Variants in ELP4 observed in about 807,000 individuals in gnomAD.
The protein encoded by ELP4 is elongator complex protein 4.
A neutral mutation model predicts 48.9 loss-of-function variants in ELP4; 51 were observed. The observed-to-expected ratio is 1.04, with a 90% CI of 0.83 to 1.32. ELP4 has a LOEUF of 1.32. Among genes scored for constraint, ELP4 ranks in the 40% most tolerant of loss-of-function variants. The pLI is 0.00. For missense variants in ELP4, 519 were observed against 514.6 expected (o/e 1.01, Z -0.08); for synonymous variants, 210 against 189.2 (o/e 1.11, Z -0.90).
At chr11:31,586,716 G>T (rs968589725) in intron 3 of ELP4, among the ~76,000 whole-genome samples, 1 of 151,316 alleles carries the variant, frequency 6.6e-6, no homozygotes, top group Non-Finnish European at 1.5e-5. Flanking sequence ...ATCTCGGCTC[G>T]CTGCAAGCTC....
At chr11:31,756,326 C>G (rs1947831113) in intron 9 of ELP4, among the ~76,000 whole-genome samples, 1 of 152,172 alleles carries the variant, frequency 6.6e-6, no homozygotes, top group African/African-American at 2.4e-5. Flanking sequence ...AATGGAAGCC[C>G]TACAGATTCT....
In ELP4 at chr11:31,608,819, T is replaced by C. The variant is rs578165570; in HGVS notation, c.653+4912T>C. ...GATGTGAGACGAGACCTGGGAAGGG[T>C]AAGTGGGTGCTAAAAATTTAGATAA... On this transcript the variant is annotated intron_variant, in intron 5 of 9. Transcript: ENST00000640961. Among the ~76,000 whole-genome samples the C allele has an allele frequency of 2.8e-4, 42 of 151,632 alleles. No individual in the cohort carries two copies. The South Asian group carries it at 8.8e-3, about 32-fold the overall frequency.
chr11:31,739,293 G>A (rs1172347080), intron 9 of ELP4, among the ~76,000 whole-genome samples: 1 of 152,138 alleles, frequency 6.6e-6, no homozygotes, highest in African/African-American at 2.4e-5. Context: ...TACTAAGTCT[G>A]CTTATATGTT....
intron 5 of ELP4, among the ~76,000 whole-genome samples, chr11:31,614,226 A>G (rs1592160079): frequency 6.6e-6 from 1 of 152,194 alleles, no homozygotes; most frequent in Non-Finnish European, 1.5e-5. Context: ...AGCAATGAGT[A>G]TATCTCATGC....
chr11:31,595,469 A>G (rs1301608927), intron 4 of ELP4, among the ~76,000 whole-genome samples: 2 of 152,166 alleles, frequency 1.3e-5, no homozygotes, highest in Non-Finnish European at 2.9e-5. Context: ...TTCAGACTAC[A>G]TTATTTAACA....
Position 31,699,821 on chromosome 11 carries a change from A to G in ELP4, c.1143+49600A>G, listed in dbSNP as rs112638503. Among the ~76,000 whole-genome samples the G allele has an allele frequency of 4.0e-3, 614 of 152,198 alleles. 7 individuals are homozygous for G. Among genetic ancestry groups the G allele is most frequent in the African/African-American group, 0.014 (586 of 41,526 alleles). ...GTAGCCTTGAAAAGAGCAGAGTATC[A>G]TGTTAGTGGTTTCCCTGCCCAAAAA... On this transcript the variant is annotated intron_variant, in intron 9 of 9. Coordinates refer to ENST00000640961, the MANE Select transcript of ELP4 (RefSeq NM_019040.5).
chr11:31,752,490 A>G (rs1947743000), intron 9 of ELP4, among the ~76,000 whole-genome samples: 1 of 152,210 alleles, frequency 6.6e-6, no homozygotes, highest in Non-Finnish European at 1.5e-5. Context: ...CATTGTTACT[A>G]GAGATGCTAA....
intron 9 of ELP4, among the ~76,000 whole-genome samples, chr11:31,725,304 T>G (rs1470850523): frequency 6.6e-6 from 1 of 152,148 alleles, no homozygotes; most frequent in Non-Finnish European, 1.5e-5. Context: ...GCTGATGGAT[T>G]CCCCTTGCCA....
At chr11:31,767,955 T>C (rs991419249) in intron 9 of ELP4, 1 of 152,102 alleles carries the variant, frequency 6.6e-6, no homozygotes, top group African/African-American at 2.4e-5. Flanking sequence ...GGGAGGTTTG[T>C]GGAAGGGGGA....
intron 9 of ELP4, chr11:31,663,430 T>G (rs1945604010): frequency 1.3e-5 from 2 of 151,916 alleles, no homozygotes; most frequent in African/African-American, 4.8e-5. Flanking sequence ...TGATATTGAG[T>G]TTTTTATTAT....
At chr11:31,535,762 C>T (rs1283022741) in intron 2 of ELP4, among the ~76,000 whole-genome samples, 2 of 152,200 alleles carry the variant, frequency 1.3e-5, no homozygotes, top group Non-Finnish European at 2.9e-5. Flanking sequence ...AGTTTCCTGG[C>T]CCCAAGCACC....
chr11:31,535,347 A>G (rs1956482630), intron 2 of ELP4, among the ~76,000 whole-genome samples: 1 of 152,054 alleles, frequency 6.6e-6, no homozygotes, highest in Admixed American at 6.6e-5. Flanking sequence ...TATTTATTTT[A>G]TTGAATTATT....
intron 3 of ELP4, among the ~76,000 whole-genome samples, chr11:31,575,174 G>A (rs1957253378): frequency 6.6e-6 from 1 of 152,174 alleles, no homozygotes; most frequent in African/African-American, 2.4e-5. Flanking sequence ...TTGATCAAGT[G>A]AAAGAAAGGG....
chr11:31,647,260 T>C (rs1324341323), intron 7 of ELP4: 1 of 152,472 alleles, frequency 6.6e-6, no homozygotes, highest in Non-Finnish European at 1.5e-5. Context: ...ACCTCAGCTG[T>C]TATAGGGCTG....
intron 3 of ELP4, among the ~76,000 whole-genome samples, chr11:31,560,272 T>A (rs964976754): frequency 2.0e-5 from 3 of 152,170 alleles, no homozygotes; most frequent in Non-Finnish European, 4.4e-5. Context: ...AATTCTATGA[T>A]CTCTGTTTAA....
chr11:31,682,690 A>G (rs1292170069), intron 9 of ELP4, among the ~76,000 whole-genome samples: 1 of 152,224 alleles, frequency 6.6e-6, no homozygotes, highest in African/African-American at 2.4e-5. Flanking sequence ...TAAAGAGCTC[A>G]TAGTCTAGTA....
intron 3 of ELP4, among the ~76,000 whole-genome samples, chr11:31,573,991 T>C (rs556996169): frequency 6.6e-6 from 1 of 152,348 alleles, no homozygotes; most frequent in East Asian, 1.9e-4. Flanking sequence ...ATAACAGTTG[T>C]TATGGATGAA....
At position 31,763,707 on chromosome 11, in the gene ELP4, C is replaced by A. The variant is rs185361010; in HGVS notation, c.1144-19686C>A. Among the ~76,000 whole-genome samples the A allele has an allele frequency of 6.6e-5, 10 of 152,046 alleles. No individual in the cohort carries two copies. The East Asian group carries it at 1.7e-3, about 26-fold the overall frequency. ...TAAACTTTACAGCTAAAACTGCAAC[C>A]AACATGAGTACTTTACTAAGTAGAA... is the stretch of plus-strand genomic sequence containing the variant. On this transcript the variant is annotated intron_variant, in intron 9 of 9. Coordinates refer to ENST00000640961, the MANE Select transcript of ELP4 (RefSeq NM_019040.5).
chr11:31,673,529 G>A (rs994051049), intron 9 of ELP4, among the ~76,000 whole-genome samples: 5 of 152,000 alleles, frequency 3.3e-5, no homozygotes, highest in South Asian at 2.1e-4. Context: ...GAGTCTCGCC[G>A]TGTTGCCCAC....
Sources: gnomAD v4.1 joint callset for allele counts (sites outside exome capture counted in the v4.1 genomes callset) on GRCh38, gnomAD v4.1.1 for gene constraint, MANE v1.5 for transcripts, NCBI Gene and HGNC (gene_info 2026-07-23, HGNC 2026-07-21) for gene names.